Variants in RGS7 observed in about 807,000 individuals in gnomAD.
RGS7 encodes regulator of G protein signaling 7, also known as regulator of G-protein signaling 7.
Under a neutral mutation model 81.1 loss-of-function variants are expected in RGS7, and 27 were observed. That is an observed-to-expected ratio of 0.33 (90% confidence interval 0.25 to 0.46). The LOEUF (loss-of-function observed/expected upper bound fraction) is 0.46. RGS7 is among the 20% of genes least tolerant of loss of function. The probability of loss-of-function intolerance (pLI) is 1.00; values close to 1 mark genes in which losing one functional copy is unlikely to be tolerated. For missense variants in RGS7, 396 were observed against 607.4 expected (o/e 0.65, Z 3.66); for synonymous variants, 208 against 207.7 (o/e 1.00, Z -0.01).
chr1:241,220,974 G>GAAAGAGAGAGAGA (rs1558202858), intron 2 of RGS7, among the ~76,000 whole-genome samples: 20 of 75,876 alleles, frequency 2.6e-4, no homozygotes, highest in Admixed American at 9.9e-4. Context: ...AGGAAGGAAG[G>GAAAGAGAGAGAGA]AAGGAAGGAA....
At chr1:241,187,434 T>A (rs1268788549) in intron 2 of RGS7, among the ~76,000 whole-genome samples, 1 of 152,178 alleles carries the variant, frequency 6.6e-6, no homozygotes, top group Admixed American at 6.5e-5. Context: ...GATTATACAC[T>A]TTTTTTCAAG....
intron 4 of RGS7, among the ~76,000 whole-genome samples, chr1:240,971,898 G>A (rs566921352): frequency 6.6e-6 from 1 of 152,116 alleles, no homozygotes; most frequent in African/African-American, 2.4e-5. Context: ...GTTTGTAAGG[G>A]TCTTAATGGT....
chr1:240,775,126 TATG>T (rs1331535727), downstream of RGS7, among the ~76,000 whole-genome samples: 2 of 152,238 alleles, frequency 1.3e-5, no homozygotes, highest in Non-Finnish European at 2.9e-5. Context: ...GACACTGAGC[TATG>T]ATATTTTTAG....
chr1:240,811,852 CA>C, intron 14 of RGS7, 65 bp downstream of exon 14: 1 of 1,394,464 alleles, frequency 7.2e-7, no homozygotes, highest in Non-Finnish European at 1.0e-6. Context: ...CTATTACCTC[CA>C]AAATAACCAG....
intron 6 of RGS7, among the ~76,000 whole-genome samples, chr1:240,907,348 G>T (rs1670984736): frequency 6.6e-6 from 1 of 151,990 alleles, no homozygotes; most frequent in Non-Finnish European, 1.5e-5. Context: ...TCTGTTAAGA[G>T]AATGTAGAAA....
intron 2 of RGS7, among the ~76,000 whole-genome samples, chr1:241,327,101 A>AGAAAGAAAGAAAGAAAGAAAG (rs2081603853): frequency 1.1e-5 from 1 of 91,198 alleles, no homozygotes; most frequent in Non-Finnish European, 2.3e-5. Flanking sequence ...AAAGAAAGAA[A>AGAAAGAAAGAAAGAAAGAAAG]GAAAGAAAGA....
intron 4 of RGS7, among the ~76,000 whole-genome samples, chr1:240,965,741 G>A (rs1682183500): frequency 1.3e-5 from 2 of 152,132 alleles, no homozygotes; most frequent in Non-Finnish European, 2.9e-5. Context: ...CAGAAATCTT[G>A]GCTCCTGTTG....
chr1:241,206,781 C>A, intron 2 of RGS7, among the ~76,000 whole-genome samples: 1 of 152,010 alleles, frequency 6.6e-6, no homozygotes. Flanking sequence ...TCCATGTTAA[C>A]CCTAACTTAA....
At chr1:240,991,836 G>C (rs1686501616) in intron 3 of RGS7, among the ~76,000 whole-genome samples, 1 of 152,098 alleles carries the variant, frequency 6.6e-6, no homozygotes. Flanking sequence ...TAGCTGGTAG[G>C]CATAAAGAAA....
At chr1:240,928,711 C>T (rs111341332) in intron 6 of RGS7, among the ~76,000 whole-genome samples, 107 of 150,638 alleles carry the variant, frequency 7.1e-4, no homozygotes, top group Non-Finnish European at 9.9e-4. Flanking sequence ...CAGGTTCAAG[C>T]GATTCTCCTG....
intron 2 of RGS7, among the ~76,000 whole-genome samples, chr1:241,254,839 C>T (rs1558241361): frequency 6.6e-6 from 1 of 152,174 alleles, no homozygotes; most frequent in African/African-American, 2.4e-5. Context: ...GATATCAACA[C>T]TTCTGACATT....
At chr1:241,326,633 CA>C (rs2081510301) in intron 2 of RGS7, among the ~76,000 whole-genome samples, 4 of 111,628 alleles carry the variant, frequency 3.6e-5, no homozygotes, top group Non-Finnish European at 8.0e-5. Context: ...TTCAGAGAAT[CA>C]AAAATAACAG....
At chr1:240,914,099 C>A (rs908679808) in intron 6 of RGS7, among the ~76,000 whole-genome samples, 17 of 140,290 alleles carry the variant, frequency 1.2e-4, no homozygotes, top group Non-Finnish European at 2.3e-4. Flanking sequence ...ATGAGATATT[C>A]CTGGTAAGAT....
intron 6 of RGS7, among the ~76,000 whole-genome samples, chr1:240,912,378 T>G (rs1222031269): frequency 6.6e-6 from 1 of 152,044 alleles, no homozygotes; most frequent in Non-Finnish European, 1.5e-5. Flanking sequence ...ATATAAATAG[T>G]TTTTACACTT....
chr1:241,026,693 T>C (rs1283151832), intron 3 of RGS7, among the ~76,000 whole-genome samples: 2 of 152,108 alleles, frequency 1.3e-5, no homozygotes, highest in Admixed American at 6.6e-5. Flanking sequence ...TGGGGGTACT[T>C]ACATTACAGT....
intron 3 of RGS7, among the ~76,000 whole-genome samples, chr1:240,984,609 A>G (rs1319551019): frequency 6.6e-6 from 1 of 152,236 alleles, no homozygotes; most frequent in Non-Finnish European, 1.5e-5. Flanking sequence ...CAAAATAGGA[A>G]AAATATGTAT....
intron 6 of RGS7, among the ~76,000 whole-genome samples, chr1:240,891,627 C>A (rs1180478727): frequency 2.0e-5 from 3 of 152,082 alleles, no homozygotes; most frequent in Non-Finnish European, 2.9e-5. Context: ...GGCAATATTC[C>A]AGGCACTAAG....
chr1:241,169,634 G>A (rs570887854), intron 2 of RGS7, among the ~76,000 whole-genome samples: 5 of 152,010 alleles, frequency 3.3e-5, no homozygotes, highest in East Asian at 1.9e-4. Context: ...TGAACCACCC[G>A]CACCTGGCCT....
chr1:241,173,889 T>TC (rs1458123620), intron 2 of RGS7, among the ~76,000 whole-genome samples: 1 of 152,214 alleles, frequency 6.6e-6, no homozygotes, highest in Non-Finnish European at 1.5e-5. Flanking sequence ...TAGTAAATCT[T>TC]CCCCATATTC....
Sources: allele counts gnomAD v4.1 joint callset (sites outside exome capture counted in the v4.1 genomes callset), GRCh38; gene constraint gnomAD v4.1.1; transcripts MANE v1.5; gene names NCBI Gene and HGNC (gene_info 2026-07-23, HGNC 2026-07-21).